The following CSPG4 variants were observed in gnomAD, a reference collection of about 807,000 sequenced individuals.
The protein encoded by CSPG4 is chondroitin sulfate proteoglycan 4 (melanoma-associated).
Under a neutral mutation model 139.3 loss-of-function variants are expected in CSPG4, and 74 were observed. The observed-to-expected ratio is 0.53, with a 90% CI of 0.44 to 0.64. The LOEUF (loss-of-function observed/expected upper bound fraction) is 0.64. CSPG4 is among the 30% of genes least tolerant of loss of function. The pLI, the probability that CSPG4 is intolerant of heterozygous loss-of-function variation, is 0.00. For missense variants in CSPG4, 2,565 were observed against 3,148.3 expected (o/e 0.81, Z 4.43); for synonymous variants, 1,234 against 1,394.2 (o/e 0.89, Z 2.56).
In CSPG4 at chr15:75,676,002, C is replaced by G. The variant is rs548221922; in HGVS notation, c.6517G>C (p.Val2173Leu). 9 of 1,570,616 alleles carry G rather than the reference C, an allele frequency of 5.7e-6. No individual in the cohort carries two copies. The highest frequency in any genetic ancestry group is 1.2e-5 in the South Asian group (1 of 86,896). The stretch of plus-strand genomic sequence containing the variant: ...GCCTCGGGGACACTGAGCAGGGCCA[C>G]GCTGTAGGGCCGGGCAGCATTGTAA... Reference protein sequence around the residue: ...EPYNAARPYSVALLSVPEAAR... With the variant: ...EPYNAARPYSLALLSVPEAAR... The change falls in exon 10 of 10, where the codon GTG becomes CTG. Residue 2173 changes from valine (V) to leucine (L), a missense_variant. Val to Leu is a conservative substitution (Grantham distance 32). Coordinates refer to ENST00000308508, the MANE Select transcript of CSPG4 (RefSeq NM_001897.5).
In CSPG4 at chr15:75,689,349, C is replaced by G. The variant is rs200551937; in HGVS notation, c.1716G>C (p.Pro572=). Residue 572 remains proline, a synonymous_variant, in exon 3 of 10, where the codon CCG becomes CCC. Coordinates refer to ENST00000308508, the MANE Select transcript of CSPG4 (RefSeq NM_001897.5). ...AGGCCTGGAAAACCTCAGGCCCCAG[C>G]GGCTTCTGCGTGTGTTCCAGGATCA... ...LMVILEHTQK[P]LGPEVFQAYD... 1 of 1,611,562 alleles carries G rather than the reference C, an allele frequency of 6.2e-7. No homozygotes were observed. Among genetic ancestry groups the G allele is most frequent in the African/African-American group, 1.3e-5 (1 of 74,908 alleles).
intron 1 of CSPG4, among the ~76,000 whole-genome samples, chr15:75,695,138 G>A (rs1220324436): frequency 6.6e-6 from 1 of 152,138 alleles, no homozygotes; most frequent in Non-Finnish European, 1.5e-5. Context: ...AAAGCCCATT[G>A]CTAAACATTT....
At position 75,676,489 on chromosome 15, in the gene CSPG4, C is replaced by A. The variant is rs1323075618; in HGVS notation, c.6030G>T (p.Val2010=). The A allele has an allele frequency of 1.2e-6, 2 of 1,613,998 alleles. No individual in the cohort carries two copies. The highest frequency in any genetic ancestry group is 1.7e-6 in the Non-Finnish European group (2 of 1,180,024). The change falls in exon 10 of 10, where the codon GTG becomes GTT. Residue 2010 remains valine, a synonymous_variant. Transcript: ENST00000308508. ...FSQFQIDQGE[V]VFAFTNFSSS... is the part of the protein sequence containing the mutation. ...AGGAGAAGTTGGTGAAGGCAAAGAC[C>A]ACCTCGCCCTGGTCTATCTGGAATT...
At position 75,676,294 on chromosome 15, in the gene CSPG4, G is replaced by C; in HGVS notation, c.6225C>G (p.Asn2075Lys). The change falls in exon 10 of 10, where the codon AAC becomes AAG. Residue 2075 changes from asparagine to lysine, a missense_variant. This residue lies in a region of CSPG4 where 2,316 missense variants were observed against 2,818.2 expected (regional missense o/e 0.82). Transcript: ENST00000308508. ...PTVLDAGELANRTGSVPRFRL... is the reference protein window; with the variant it reads ...PTVLDAGELAKRTGSVPRFRL... ...GGAAGCGCGGCACACTGCCTGTGCG[G>C]TTGGCCAGCTCGCCAGCATCTAGGA... 6.3e-7 allele frequency: 1 copy of C among 1,599,940 alleles called. No homozygotes were observed. Among genetic ancestry groups the C allele is most frequent in the African/African-American group, 1.3e-5 (1 of 74,898 alleles).
Position 75,690,361 on chromosome 15 carries a change from C to T in CSPG4, c.704G>A (p.Arg235Gln), listed in dbSNP as rs186199529. 2.9e-4 allele frequency: 470 copies of T among 1,611,714 alleles called. 3 individuals are homozygous for T. In the East Asian group the frequency reaches 6.6e-3, roughly 23 times the overall value. ...TGCCTGGAAGGCCAAGGGTGCCTGC[C>T]GGCTCTGTGTGGTGAGTGTAAACTC... Reference protein sequence around the residue: ...TLEFTLTTQSRQAPLAFQAGG... With the variant: ...TLEFTLTTQSQQAPLAFQAGG... The change falls in exon 3 of 10, where the codon CGG becomes CAG. Residue 235 changes from arginine to glutamine, a missense_variant. Physicochemically the swap from Arg to Gln is conservative, Grantham distance 43 (BLOSUM62 1). This residue lies in a region of CSPG4 where 40 missense variants were observed against 89.0 expected (regional missense o/e 0.45). Coordinates refer to ENST00000308508, the MANE Select transcript of CSPG4 (RefSeq NM_001897.5).
chr15:75,680,242 T>TAAGGGGAGCAGAGCCTGGGCTA (rs1161082249), intron 8 of CSPG4: 7 of 152,454 alleles, frequency 4.6e-5, no homozygotes, highest in African/African-American at 1.7e-4. Context: ...GGGCCTGGTC[T>TAAGGGGAGCAGAGCCTGGGCTA]AAGGGGAGCA....
Position 75,696,669 on chromosome 15 carries a change from C to G in CSPG4, c.89-3436G>C, listed in dbSNP as rs1894230712. Among the ~76,000 whole-genome samples the G allele has an allele frequency of 6.6e-6, 1 of 152,092 alleles. No individual in the cohort carries two copies. Among genetic ancestry groups the G allele is most frequent in the African/African-American group, 2.4e-5 (1 of 41,382 alleles). On this transcript the variant is annotated intron_variant, in intron 1 of 9. Coordinates refer to ENST00000308508, the MANE Select transcript of CSPG4 (RefSeq NM_001897.5). The surrounding 1 kb of genome is among the most constrained non-coding windows in gnomAD (Gnocchi z 4.2). Reference sequence around the variant, plus strand: ...GGGTTCCTGCCCCTCCTGCTCAGCGCCCATAGAGAGGTTTGCTAAAGGTGG... The same window carrying G: ...GGGTTCCTGCCCCTCCTGCTCAGCGGCCATAGAGAGGTTTGCTAAAGGTGG...
chr15:75,712,813 G>T lies in CSPG4; in HGVS notation c.-58C>A. 1 of 1,417,042 alleles carries T rather than the reference G, an allele frequency of 7.1e-7. No individual in the cohort carries two copies. Among genetic ancestry groups the T allele is most frequent in the Non-Finnish European group, 9.4e-7 (1 of 1,060,588 alleles). The allele number at this position is 1,417,042 out of a possible 1,614,324, so 87.8% of individuals were successfully genotyped here. On this transcript the variant is annotated 5_prime_UTR_variant, in exon 1 of 10. Coordinates refer to ENST00000308508, the MANE Select transcript of CSPG4 (RefSeq NM_001897.5). Reference sequence around the variant, plus strand: ...GCCAGCGGAGTCCTGGGAGCTGGGAGCTGAGTGGAGCGAGCGCGGCTCTGC... The same window carrying T: ...GCCAGCGGAGTCCTGGGAGCTGGGATCTGAGTGGAGCGAGCGCGGCTCTGC...
At chr15:75,700,214 A>G (rs1894283057) in intron 1 of CSPG4, among the ~76,000 whole-genome samples, 1 of 152,182 alleles carries the variant, frequency 6.6e-6, no homozygotes, top group Non-Finnish European at 1.5e-5. Context: ...GTGTGCACCC[A>G]GAGAGGCGTG....
In CSPG4 at chr15:75,683,050, A is replaced by G; in HGVS notation, c.4450-9T>C. On this transcript the variant is annotated splice_polypyrimidine_tract_variant and intron_variant, in intron 5 of 9. Coordinates refer to ENST00000308508, the MANE Select transcript of CSPG4 (RefSeq NM_001897.5). ...GTGGCCCCCTCCCACATCTGGGAAC[A>G]CAGGCCTGTGAAGGTTCTGCCTTGC... is the stretch of plus-strand genomic sequence containing the variant. 6.2e-7 allele frequency: 1 copy of G among 1,607,762 alleles called. No individual in the cohort carries two copies. Among genetic ancestry groups the G allele is most frequent in the Non-Finnish European group, 8.5e-7 (1 of 1,179,070 alleles).
At position 75,688,427 on chromosome 15, in the gene CSPG4, G is replaced by C. The variant is rs201568610; in HGVS notation, c.2638C>G (p.Pro880Ala). The change falls in exon 3 of 10, where the codon CCA becomes GCA. Residue 880 changes from proline (P) to alanine (A), a missense_variant. Transcript: ENST00000308508. Reference sequence around the variant, plus strand: ...GTATAGAGTGGGGAGAAATATGGTGGAGCTGTGACACGGAAACGGAAGGTG... The same window carrying C: ...GTATAGAGTGGGGAGAAATATGGTGCAGCTGTGACACGGAAACGGAAGGTG... Reference protein sequence around the residue: ...EDTFRFRVTAPPYFSPLYTFP... With the variant: ...EDTFRFRVTAAPYFSPLYTFP... 2 of 1,613,204 alleles carry C rather than the reference G, an allele frequency of 1.2e-6. No homozygotes were observed. Among genetic ancestry groups the C allele is most frequent in the East Asian group, 4.5e-5 (2 of 44,902 alleles).
chr15:75,683,458 G>A lies in CSPG4; in HGVS notation c.4450-417C>T, dbSNP rs555683638. ...TCAGAGCCTCCGTGTGTGCCTGGCCGGGGCCGGGCACAGGTGGGAATGGTG... is the reference window on the plus strand; with the variant it reads ...TCAGAGCCTCCGTGTGTGCCTGGCCAGGGCCGGGCACAGGTGGGAATGGTG... On this transcript the variant is annotated intron_variant, in intron 5 of 9. Coordinates refer to ENST00000308508, the MANE Select transcript of CSPG4 (RefSeq NM_001897.5). Among the ~76,000 whole-genome samples the A allele has an allele frequency of 4.0e-5, 6 of 151,470 alleles. No individual in the cohort carries two copies. In the South Asian group the frequency reaches 6.2e-4, roughly 16 times the overall value.
rs1185585428 is a variant in CSPG4 at position 75,701,503 on chromosome 15, C to T, written c.89-8270G>A. Among the ~76,000 whole-genome samples, 5 of 152,264 alleles carry T rather than the reference C, an allele frequency of 3.3e-5. No homozygotes were observed. The South Asian group carries it at 8.3e-4, about 25-fold the overall frequency. Reference sequence around the variant, plus strand: ...AGATCCCGAGACTGAGACCTCTCTTCCTGGGCAGGCCTGACTCCTCCTGGA... The same window carrying T: ...AGATCCCGAGACTGAGACCTCTCTTTCTGGGCAGGCCTGACTCCTCCTGGA... On this transcript the variant is annotated intron_variant, in intron 1 of 9. Transcript: ENST00000308508.
chr15:75,686,777 G>A (rs917528215), intron 3 of CSPG4, among the ~76,000 whole-genome samples: 2 of 152,234 alleles, frequency 1.3e-5, no homozygotes, highest in African/African-American at 4.8e-5. Context: ...GGGCAAGTCA[G>A]TGAGCCTGCT....
chr15:75,706,085 T>C (rs2141440528), intron 1 of CSPG4, among the ~76,000 whole-genome samples: 2 of 152,266 alleles, frequency 1.3e-5, no homozygotes, highest in Middle Eastern at 6.8e-3. Context: ...CCAGCAACTG[T>C]GCACAGGGAA....
At chr15:75,681,265 AC>A (rs1294839608) in intron 8 of CSPG4, among the ~76,000 whole-genome samples, 4 of 152,158 alleles carry the variant, frequency 2.6e-5, no homozygotes, top group African/African-American at 9.7e-5. Context: ...AATCTGAGCC[AC>A]TTGCTGGGCA....
rs1894108218 is a variant in CSPG4, at chr15:75,688,860, A to G, written c.2205T>C (p.Asp735=). 1.2e-6 allele frequency: 2 copies of G among 1,612,336 alleles called. No individual in the cohort carries two copies. Among genetic ancestry groups the G allele is most frequent in the Non-Finnish European group, 8.5e-7 (1 of 1,179,984 alleles). ...WWATQAFHQR[D]VEQGRVRYLS... ...GGTACCTCACGCGGCCCTGCTCCAC[A>G]TCCCGCTGGTGGAACGCCTGTGTGG... The change falls in exon 3 of 10, where the codon GAT becomes GAC. Residue 735 remains aspartate (D), a synonymous_variant. Transcript: ENST00000308508.
Position 75,696,323 on chromosome 15 carries a change from G to A in CSPG4, c.89-3090C>T, listed in dbSNP as rs1160646498. Among the ~76,000 whole-genome samples the A allele has an allele frequency of 2.0e-5, 3 of 152,268 alleles. No individual in the cohort carries two copies. In the East Asian group the frequency reaches 5.8e-4, roughly 29 times the overall value. The stretch of plus-strand genomic sequence containing the variant: ...GCCTTGGGCATGAGAGGAGCAGGAT[G>A]CCCCACAGGTCTGGGGGCCCGTGGG... On this transcript the variant is annotated intron_variant, in intron 1 of 9. Transcript: ENST00000308508. The surrounding 1 kb of genome is among the most constrained non-coding windows in gnomAD (Gnocchi z 4.2).
rs751127977 is a variant in CSPG4 at position 75,689,933 on chromosome 15, C to G, written c.1132G>C (p.Ala378Pro). Residue 378 changes from alanine to proline, a missense_variant, in exon 3 of 10, where the codon GCC becomes CCC. Ala to Pro is a conservative substitution (Grantham distance 27). This residue lies in a region of CSPG4 where 2,316 missense variants were observed against 2,818.2 expected (regional missense o/e 0.82). Coordinates refer to ENST00000308508, the MANE Select transcript of CSPG4 (RefSeq NM_001897.5). ...REALLTRNMA[A>P]GCRLEEEEYE... ...TCCTCCTCCTCCAGCCTGCAGCCGG[C>G]TGCCATGTTGCGCGTCAGCAAAGCT... 187 of 1,611,802 alleles carry G rather than the reference C, an allele frequency of 1.2e-4. No homozygotes were observed. The highest frequency in any genetic ancestry group is 9.2e-5 in the Non-Finnish European group (109 of 1,179,506).
Sources: gnomAD v4.1 joint callset for allele counts (sites outside exome capture counted in the v4.1 genomes callset) on GRCh38, gnomAD v4.1.1 for gene constraint, gnomAD v4.1.1 regional missense constraint, Gnocchi (gnomAD v3.1) non-coding constraint, MANE v1.5 for transcripts, NCBI Gene and HGNC (gene_info 2026-07-23, HGNC 2026-07-21) for gene names.